CNBD1: variants seen among roughly 807,000 people sequenced by gnomAD.
CNBD1 encodes cyclic nucleotide binding domain containing 1.
Under a neutral mutation model 54.4 loss-of-function variants are expected in CNBD1, and 71 were observed. The ratio of observed to expected loss-of-function variants is 1.30; its 90% CI spans 1.08 to 1.59. The LOEUF (loss-of-function observed/expected upper bound fraction) is 1.59, where lower values mean the gene tolerates loss of function less well. Ranked by LOEUF, CNBD1 falls within the 40% of genes most tolerant of loss-of-function variation. The pLI is 0.00. For missense variants in CNBD1, 659 were observed against 518.0 expected (o/e 1.27, Z -2.64); for synonymous variants, 182 against 170.7 (o/e 1.07, Z -0.51).
chr8:87,257,009 A>T (rs1808037607), intron 6 of CNBD1, among the ~76,000 whole-genome samples: 1 of 152,080 alleles, frequency 6.6e-6, no homozygotes, highest in Non-Finnish European at 1.5e-5. Flanking sequence ...TAACATAATA[A>T]TCTACTGTTA....
intron 4 of CNBD1, among the ~76,000 whole-genome samples, chr8:87,135,377 TA>T (rs1812207085): frequency 6.6e-6 from 1 of 151,728 alleles, no homozygotes; most frequent in Non-Finnish European, 1.5e-5. Context: ...TCTTCAAAAA[TA>T]AACCTCAAAG....
chr8:87,421,038 G>C lies in CNBD1; in HGVS notation c.214-7508G>C, dbSNP rs1025492619. ...AATTCTGGATAACAAAATCGGTGCA[G>C]ATAGCAACTGAAAATGCTTCATAAT... On this transcript the variant is annotated intron_variant, in intron 2 of 7. Coordinates refer to the CNBD1 transcript ENST00000521593. Among the ~76,000 whole-genome samples the C allele has an allele frequency of 7.9e-5, 12 of 152,008 alleles. No individual in the cohort carries two copies. In the East Asian group the frequency reaches 2.1e-3, roughly 27 times the overall value.
At chr8:87,139,799 T>C in intron 4 of CNBD1, among the ~76,000 whole-genome samples, 1 of 152,278 alleles carries the variant, frequency 6.6e-6, no homozygotes, top group East Asian at 1.9e-4. Flanking sequence ...CAGCCTCTCC[T>C]CTGTAGACAC....
chr8:87,067,025 G>A (rs1810668639), intron 4 of CNBD1, among the ~76,000 whole-genome samples: 1 of 151,838 alleles, frequency 6.6e-6, no homozygotes, highest in Non-Finnish European at 1.5e-5. Context: ...ATACAGATTA[G>A]GAAGAAAGTC....
intron 8 of CNBD1, among the ~76,000 whole-genome samples, chr8:87,321,020 G>T (rs187533547): frequency 6.6e-6 from 1 of 152,186 alleles, no homozygotes; most frequent in Non-Finnish European, 1.5e-5. Context: ...CTGCATCCAT[G>T]TTGCAGAATA....
At chr8:87,268,007 A>C (rs549661816) in intron 6 of CNBD1, among the ~76,000 whole-genome samples, 1 of 152,110 alleles carries the variant, frequency 6.6e-6, no homozygotes, top group African/African-American at 2.4e-5. Flanking sequence ...GGTTTAACAC[A>C]GGCAAATTGC....
At chr8:86,990,891 T>TTAG (rs1808730234) in intron 4 of CNBD1, among the ~76,000 whole-genome samples, 1 of 152,114 alleles carries the variant, frequency 6.6e-6, no homozygotes, top group South Asian at 2.1e-4. Context: ...AGTTTTCATT[T>TTAG]TAGAGGTCTT....
At chr8:87,332,222 C>T (rs889275972) in intron 8 of CNBD1, among the ~76,000 whole-genome samples, 6 of 152,164 alleles carry the variant, frequency 3.9e-5, no homozygotes, top group South Asian at 4.2e-4. Context: ...GTTGTGGGCA[C>T]CTGTAATTCC....
At chr8:87,089,687 T>C (rs950149329) in intron 4 of CNBD1, among the ~76,000 whole-genome samples, 1 of 152,134 alleles carries the variant, frequency 6.6e-6, no homozygotes, top group Non-Finnish European at 1.5e-5. Flanking sequence ...GACTATATTA[T>C]AAAGAATTGA....
At chr8:87,370,405 T>G (rs551423137) in intron 10 of CNBD1, among the ~76,000 whole-genome samples, 1 of 152,178 alleles carries the variant, frequency 6.6e-6, no homozygotes, top group Non-Finnish European at 1.5e-5. Context: ...CCTGACTTTT[T>G]AATGATTGCC....
At chr8:87,399,773 A>G (rs888356643) in intron 2 of CNBD1, among the ~76,000 whole-genome samples, 1 of 151,978 alleles carries the variant, frequency 6.6e-6, no homozygotes, top group Non-Finnish European at 1.5e-5. Flanking sequence ...TAGGATAGTT[A>G]TGGTGCTTGG....
chr8:87,126,736 C>T (rs1479917977), intron 4 of CNBD1, among the ~76,000 whole-genome samples: 1 of 151,856 alleles, frequency 6.6e-6, no homozygotes, highest in African/African-American at 2.4e-5. Context: ...CAAGGAATTT[C>T]TCCAATGTAT....
chr8:87,219,444 C>A (rs1433095443), intron 5 of CNBD1, among the ~76,000 whole-genome samples: 1 of 151,788 alleles, frequency 6.6e-6, no homozygotes, highest in Non-Finnish European at 1.5e-5. Context: ...ACTTAAATAC[C>A]CTTCAAGACA....
At chr8:87,117,022 C>T (rs140663033) in intron 4 of CNBD1, among the ~76,000 whole-genome samples, 287 of 152,280 alleles carry the variant, frequency 1.9e-3, no homozygotes, top group African/African-American at 5.8e-3. Context: ...TCCCCTACCA[C>T]GGTGTATGGC....
chr8:86,952,735 T>C (rs1807657195), intron 4 of CNBD1, among the ~76,000 whole-genome samples: 1 of 152,154 alleles, frequency 6.6e-6, no homozygotes, highest in South Asian at 2.1e-4. Context: ...CCATTTGTGA[T>C]ATAAACTGTG....
chr8:87,363,767 T>C (rs113163807), intron 10 of CNBD1, among the ~76,000 whole-genome samples: 2,847 of 152,182 alleles, frequency 0.019, 91 homozygotes, highest in African/African-American at 0.062. Context: ...CTTTGTCAGA[T>C]GGATAGATTG....
At chr8:86,915,160 C>T (rs1440734304) in intron 3 of CNBD1, among the ~76,000 whole-genome samples, 1 of 152,032 alleles carries the variant, frequency 6.6e-6, no homozygotes, top group Admixed American at 6.6e-5. Flanking sequence ...ATTGTGGATG[C>T]AACCATAGGA....
chr8:87,188,700 A>T (rs1813533232), intron 4 of CNBD1, among the ~76,000 whole-genome samples: 1 of 151,184 alleles, frequency 6.6e-6, no homozygotes, highest in African/African-American at 2.4e-5. Context: ...CAAGATCACG[A>T]TGATCATGCC....
chr8:87,008,694 A>G (rs1417783480), intron 4 of CNBD1, among the ~76,000 whole-genome samples: 1 of 152,212 alleles, frequency 6.6e-6, no homozygotes, highest in African/African-American at 2.4e-5. Context: ...AACTGAGTTG[A>G]TGTTACCAAT....
Sources: allele counts gnomAD v4.1 joint callset (sites outside exome capture counted in the v4.1 genomes callset), GRCh38; gene constraint gnomAD v4.1.1; transcripts MANE v1.5; gene names NCBI Gene and HGNC (gene_info 2026-07-23, HGNC 2026-07-21).